NPY1R: variants seen among roughly 807,000 people sequenced by gnomAD.
NPY1R encodes the protein neuropeptide Y receptor type 1.
In NPY1R, 10 loss-of-function variants were observed where a neutral mutation model predicts 24.1. The ratio of observed to expected loss-of-function variants is 0.42; its 90% CI spans 0.26 to 0.71. The LOEUF is 0.71. Ranked by LOEUF, NPY1R falls within the 30% of genes least tolerant of loss-of-function variation. The pLI, the probability that NPY1R is intolerant of heterozygous loss-of-function variation, is 0.28. For synonymous variants in NPY1R, 168 were observed against 165.9 expected (o/e 1.01, Z -0.10); for missense variants, 350 against 458.0 (o/e 0.76, Z 2.15).
At chr4:163,331,513 C>A (rs1348898372) in intron 1 of NPY1R, among the ~76,000 whole-genome samples, 1 of 151,460 alleles carries the variant, frequency 6.6e-6, no homozygotes, top group Admixed American at 6.6e-5. Flanking sequence ...CACACTCTCA[C>A]TCTCTCTCTC....
chr4:163,329,377 G>C (rs1165407219), intron 1 of NPY1R, among the ~76,000 whole-genome samples: 1 of 152,144 alleles, frequency 6.6e-6, no homozygotes, highest in African/African-American at 2.4e-5. Context: ...GGCCGAGGCG[G>C]ATCACCTGAA....
upstream of NPY1R, among the ~76,000 whole-genome samples, chr4:163,335,770 G>A (rs1222136915): frequency 1.3e-5 from 2 of 151,130 alleles, no homozygotes; most frequent in Non-Finnish European, 2.9e-5. Flanking sequence ...GATCTTTGAC[G>A]CCCAAGAATG....
At position 163,324,412 on chromosome 4, in the gene NPY1R, T is replaced by G. The variant is rs533850953; in HGVS notation, c.*891A>C. 1.3e-5 allele frequency: 2 copies of G among 152,456 alleles called. No homozygotes were observed. The highest frequency in any genetic ancestry group is 3.9e-4 in the East Asian group (2 of 5,186). 9.4% of individuals were successfully genotyped at this position (152,456 alleles called of 1,614,324 possible). A position where few individuals can be genotyped will look rare whatever the true frequency, so the allele number is the denominator to read the frequency against. ...CTACAAATTGTAAGCGGAAATGCCT[T>G]TTGAGTACATATTTATGCCAGAAAG... is the stretch of plus-strand genomic sequence containing the variant. On this transcript the variant is annotated 3_prime_UTR_variant, in exon 3 of 3. Coordinates refer to ENST00000296533, the MANE Select transcript of NPY1R (RefSeq NM_000909.6).
chr4:163,344,631 A>G (rs1363414794), exon 1 of NPY1R: 1 of 152,274 alleles, frequency 6.6e-6, no homozygotes, highest in African/African-American at 2.4e-5. Context: ...AGGTGTCTTC[A>G]TATAACAAAT....
At chr4:163,329,841 G>A (rs2110795099) in intron 1 of NPY1R, among the ~76,000 whole-genome samples, 1 of 151,992 alleles carries the variant, frequency 6.6e-6, no homozygotes, top group South Asian at 2.1e-4. Context: ...ATAAATAAGG[G>A]AGGGACTCTT....
chr4:163,334,764 G>T (rs1395863177), upstream of NPY1R, among the ~76,000 whole-genome samples: 1 of 151,576 alleles, frequency 6.6e-6, no homozygotes, highest in African/African-American at 2.4e-5. Context: ...GGAGGCTGAG[G>T]CAGGAGAACT....
chr4:163,343,368 C>G (rs1735058288), intron 1 of NPY1R, among the ~76,000 whole-genome samples: 1 of 152,014 alleles, frequency 6.6e-6, no homozygotes, highest in Admixed American at 6.6e-5. Context: ...TTACCGCAGA[C>G]GCTGTTGCCT....
At chr4:163,334,362 A>G (rs1734792836), upstream of NPY1R, among the ~76,000 whole-genome samples, 1 of 152,260 alleles carries the variant, frequency 6.6e-6, no homozygotes, top group South Asian at 2.1e-4. Context: ...GAATACTAAT[A>G]AAGGCATGTC....
intron 1 of NPY1R, chr4:163,331,279 T>TGTGTGA (rs1376046697): frequency 6.6e-6 from 1 of 152,532 alleles, no homozygotes; most frequent in Admixed American, 6.5e-5. Flanking sequence ...GCTCTGTGTG[T>TGTGTGA]GTGTGAGTGT....
upstream of NPY1R, chr4:163,332,724 C>T (rs966474268): frequency 1.3e-5 from 2 of 152,276 alleles, no homozygotes; most frequent in Non-Finnish European, 2.9e-5. Context: ...GTGCACACCT[C>T]GGGGAAGCAT....
In NPY1R at chr4:163,326,473, A is replaced by G. The variant is rs759125012; in HGVS notation, c.82T>C (p.Phe28Leu). Residue 28 changes from phenylalanine to leucine, a missense_variant, in exon 2 of 3, where the codon TTT (phenylalanine) becomes CTT (leucine). By Grantham distance (22) the Phe-to-Leu change is conservative. Coordinates refer to ENST00000296533, the MANE Select transcript of NPY1R (RefSeq NM_000909.6). The stretch of plus-strand genomic sequence containing the variant: ...GGCAGATGACAATCATCATTTTCAA[A>G]AGCCAGAAGCTGGGCATTCTTCTCT... Reference protein sequence around the residue: ...FSEKNAQLLAFENDDCHLPLA... With the variant: ...FSEKNAQLLALENDDCHLPLA... 9 of 1,613,726 alleles carry G rather than the reference A, an allele frequency of 5.6e-6. No individual in the cohort carries two copies. In the African/African-American group the frequency reaches 1.2e-4, roughly 22 times the overall value.
chr4:163,343,422 C>T (rs1735060898), intron 1 of NPY1R, among the ~76,000 whole-genome samples: 1 of 152,078 alleles, frequency 6.6e-6, no homozygotes, highest in South Asian at 2.1e-4. Context: ...CTCTTCCTTA[C>T]TTCAAAGAGG....
intron 1 of NPY1R, among the ~76,000 whole-genome samples, chr4:163,332,008 C>T (rs1392191463): frequency 6.6e-6 from 1 of 152,178 alleles, no homozygotes; most frequent in East Asian, 1.9e-4. Flanking sequence ...CGACGCTGGG[C>T]GACGCGCCAA....
intron 1 of NPY1R, among the ~76,000 whole-genome samples, chr4:163,343,776 G>A (rs1278356430): frequency 6.6e-6 from 1 of 152,118 alleles, no homozygotes; most frequent in African/African-American, 2.4e-5. Context: ...CCCGGCCCCC[G>A]GCTTTGGAAG....
At chr4:163,339,426 A>G (rs1272791982) in intron 1 of NPY1R, among the ~76,000 whole-genome samples, 6 of 152,134 alleles carry the variant, frequency 3.9e-5, no homozygotes, top group African/African-American at 1.4e-4. Flanking sequence ...AGAACTTATC[A>G]CATTGTATTG....
At chr4:163,335,852 A>T (rs867804455), upstream of NPY1R, among the ~76,000 whole-genome samples, 13 of 152,298 alleles carry the variant, frequency 8.5e-5, no homozygotes, top group Middle Eastern at 6.8e-3. Context: ...TACCATCAAT[A>T]GCAAATGAAT....
chr4:163,324,045 T>G lies in NPY1R; in HGVS notation c.*1258A>C, dbSNP rs1734547761. 1 of 152,416 alleles carries G rather than the reference T, an allele frequency of 6.6e-6. No homozygotes were observed. Among genetic ancestry groups the G allele is most frequent in the South Asian group, 2.1e-4 (1 of 4,836 alleles). The allele number at this position is 152,416 out of a possible 1,614,324, so 9.4% of individuals were successfully genotyped here. A position where few individuals can be genotyped will look rare whatever the true frequency, so the allele number is the denominator to read the frequency against. On this transcript the variant is annotated 3_prime_UTR_variant, in exon 3 of 3. Coordinates refer to ENST00000296533, the MANE Select transcript of NPY1R (RefSeq NM_000909.6). ...CACATGTAATACTTTATCTGTATAA[T>G]ACATTGAAGTATGTCTTGTTCTTTA...
chr4:163,343,079 C>T (rs1735046311), intron 1 of NPY1R, among the ~76,000 whole-genome samples: 1 of 151,278 alleles, frequency 6.6e-6, no homozygotes, highest in African/African-American at 2.4e-5. Flanking sequence ...CAAACCTGCG[C>T]AATACAGATT....
chr4:163,325,690 A>G lies in NPY1R; in HGVS notation c.768T>C (p.Ser256=). ...GCATGATATTGATTCTTTTGGTTTC[A>G]CTGGACCTGTACTTATTGTCTCTCA... ...DKMRDNKYRS[S]ETKRINIMLL... The change falls in exon 3 of 3, where the codon AGT becomes AGC. Residue 256 remains serine, a synonymous_variant. Transcript: ENST00000296533. 1 of 1,604,220 alleles carries G rather than the reference A, an allele frequency of 6.2e-7. No individual in the cohort carries two copies. Among genetic ancestry groups the G allele is most frequent in the Non-Finnish European group, 8.5e-7 (1 of 1,179,180 alleles).
Sources: allele counts gnomAD v4.1 joint callset (sites outside exome capture counted in the v4.1 genomes callset), GRCh38; gene constraint gnomAD v4.1.1; transcripts MANE v1.5; gene names NCBI Gene and HGNC (gene_info 2026-07-23, HGNC 2026-07-21).